The following TUSC3 variants were observed in gnomAD, a reference collection of about 807,000 sequenced individuals.
TUSC3 encodes the protein dolichyl-diphosphooligosaccharide--protein glycosyltransferase subunit TUSC3.
A neutral mutation model predicts 44.8 loss-of-function variants in TUSC3; 45 were observed. The ratio of observed to expected loss-of-function variants is 1.00; its 90% CI spans 0.79 to 1.29. The LOEUF is 1.29. Ranked by LOEUF, TUSC3 falls within the 50% of genes most tolerant of loss-of-function variation. TUSC3 has a pLI of 0.00. For synonymous variants in TUSC3, 212 were observed against 152.9 expected, an observed-to-expected ratio of 1.39 and a Z score of -2.85; for missense variants, 519 against 437.9, an observed-to-expected ratio of 1.19 and a Z score of -1.65.
Position 15,739,734 on chromosome 8 carries a change from T to TAAAG in TUSC3, c.863-3802_863-3799dup, listed in dbSNP as rs545294330. Among the ~76,000 whole-genome samples the TAAAG allele has an allele frequency of 1.9e-4, 29 of 152,350 alleles. No homozygotes were observed. In the East Asian group the frequency reaches 4.8e-3, roughly 25 times the overall value. On this transcript the variant is annotated intron_variant, in intron 7 of 10. Coordinates refer to ENST00000503731, the MANE Select transcript of TUSC3 (RefSeq NM_006765.4). Reference sequence around the variant, plus strand: ...ATGAAGAAGATTTTTATTCTTAGCCTAAAGATATTTCATGCTGAAACTGGG... The same window carrying TAAAG: ...ATGAAGAAGATTTTTATTCTTAGCCTAAAGAAAGATATTTCATGCTGAAACTGGG...
chr8:15,428,098 C>T (rs940825901), intron 1 of TUSC3, among the ~76,000 whole-genome samples: 13 of 148,480 alleles, frequency 8.8e-5, no homozygotes, highest in African/African-American at 2.2e-4. Context: ...TAGGTATATC[C>T]CCTAATGCTA....
chr8:15,647,978 T>G (rs564656097), intron 2 of TUSC3, among the ~76,000 whole-genome samples: 1 of 152,332 alleles, frequency 6.6e-6, no homozygotes, highest in Admixed American at 6.5e-5. Context: ...CTCTCCAGGT[T>G]GTTCTTTTCT....
At chr8:15,653,144 A>G (rs570774500) in intron 3 of TUSC3, among the ~76,000 whole-genome samples, 1 of 152,134 alleles carries the variant, frequency 6.6e-6, no homozygotes, top group Non-Finnish European at 1.5e-5. Flanking sequence ...CCAGAACACC[A>G]TGCATCTGAT....
At chr8:15,436,375 T>C (rs1337500993) in intron 1 of TUSC3, among the ~76,000 whole-genome samples, 1 of 152,214 alleles carries the variant, frequency 6.6e-6, no homozygotes, top group Non-Finnish European at 1.5e-5. Context: ...GTTATCTTTT[T>C]AAATGTAACC....
rs373161302 is a variant in TUSC3, at chr8:15,650,745, A to G, written c.357A>G (p.Ser119=). ...TACTGGCGAACTCCTGGCGCTATTCATCTGCTTTTTGTAACAAGCTCTTCT... is the reference window on the plus strand; with the variant it reads ...TACTGGCGAACTCCTGGCGCTATTCGTCTGCTTTTTGTAACAAGCTCTTCT... The part of the protein sequence containing the change: ...YQILANSWRY[S]SAFCNKLFFS... Residue 119 remains serine (S), a synonymous_variant, in exon 3 of 11, where the codon TCA becomes TCG. Transcript: ENST00000503731. The G allele has an allele frequency of 1.3e-5, 21 of 1,614,136 alleles. No individual in the cohort carries two copies. Among genetic ancestry groups the G allele is most frequent in the Non-Finnish European group, 1.7e-5 (20 of 1,180,022 alleles).
chr8:15,481,095 A>G (rs944963069), intron 1 of TUSC3, among the ~76,000 whole-genome samples: 33 of 152,064 alleles, frequency 2.2e-4, no homozygotes, highest in African/African-American at 7.5e-4. Context: ...TAAAAAATAC[A>G]AAAATATCCC....
the TUSC3 span, among the ~76,000 whole-genome samples, chr8:15,821,003 G>A: frequency 6.6e-6 from 1 of 152,064 alleles, no homozygotes; most frequent in African/African-American, 2.4e-5. Context: ...AAACATTTCT[G>A]TTTCCAGATT....
chr8:15,437,295 G>A (rs190430602), intron 1 of TUSC3, among the ~76,000 whole-genome samples: 1 of 152,144 alleles, frequency 6.6e-6, no homozygotes, highest in East Asian at 1.9e-4. Flanking sequence ...AAAGCAAAAG[G>A]GGTTATAAAC....
chr8:15,738,827 C>CTTTTTTTTTTTCTTTCTTTTT (rs1811050249), intron 7 of TUSC3, among the ~76,000 whole-genome samples: 1 of 87,172 alleles, frequency 1.1e-5, no homozygotes, highest in African/African-American at 4.9e-5. Context: ...ATATATCTTG[C>CTTTTTTTTTTTCTTTCTTTTT]TTTTTTTTTT....
the TUSC3 span, among the ~76,000 whole-genome samples, chr8:15,779,692 T>C: frequency 5.9e-5 from 9 of 152,342 alleles, no homozygotes; most frequent in Admixed American, 5.9e-4. Flanking sequence ...GTTAGTCTTT[T>C]TAATTGCGTG....
intron 1 of TUSC3, among the ~76,000 whole-genome samples, chr8:15,596,118 G>A (rs934099040): frequency 6.6e-6 from 1 of 152,106 alleles, no homozygotes; most frequent in Admixed American, 6.6e-5. Context: ...TACAAGAGGC[G>A]TTAACAAATT....
chr8:15,742,741 A>G (rs530926028), intron 7 of TUSC3, among the ~76,000 whole-genome samples: 1 of 152,250 alleles, frequency 6.6e-6, no homozygotes, highest in Non-Finnish European at 1.5e-5. Context: ...TTTTTAGTCC[A>G]TTAATCGCTT....
At chr8:15,435,920 TTC>T (rs1259612403) in intron 1 of TUSC3, among the ~76,000 whole-genome samples, 1 of 152,210 alleles carries the variant, frequency 6.6e-6, no homozygotes, top group Non-Finnish European at 1.5e-5. Flanking sequence ...TTCACATTGC[TTC>T]TGTTGGTTAG....
intron 1 of TUSC3, among the ~76,000 whole-genome samples, chr8:15,618,984 T>A (rs879580047): frequency 2.0e-5 from 3 of 152,194 alleles, no homozygotes; most frequent in Non-Finnish European, 2.9e-5. Context: ...TCTGTGGGTT[T>A]TGGCAAATGC....
chr8:15,527,051 C>T (rs565977034), intron 2 of TUSC3, among the ~76,000 whole-genome samples: 2 of 152,288 alleles, frequency 1.3e-5, no homozygotes, highest in African/African-American at 2.4e-5. Context: ...ATTGATTAAT[C>T]AGAATTCTTC....
chr8:15,658,723 A>G (rs931141829), intron 3 of TUSC3, among the ~76,000 whole-genome samples: 1 of 151,688 alleles, frequency 6.6e-6, no homozygotes, highest in Non-Finnish European at 1.5e-5. Flanking sequence ...ATATATACAA[A>G]TATATATATT....
intron 1 of TUSC3, among the ~76,000 whole-genome samples, chr8:15,427,256 T>C (rs1282257288): frequency 6.8e-6 from 1 of 148,138 alleles, no homozygotes; most frequent in Non-Finnish European, 1.5e-5. Flanking sequence ...TTTAGTTTAA[T>C]ATAATCCTGT....
At chr8:15,845,654 T>C in the TUSC3 span, among the ~76,000 whole-genome samples, 3 of 152,278 alleles carry the variant, frequency 2.0e-5, no homozygotes, top group Admixed American at 1.3e-4. Flanking sequence ...TGAGTTGTCA[T>C]TTATTTGCAG....
At chr8:15,529,603 A>G (rs1801424577) in intron 2 of TUSC3, among the ~76,000 whole-genome samples, 1 of 152,068 alleles carries the variant, frequency 6.6e-6, no homozygotes, top group Non-Finnish European at 1.5e-5. Flanking sequence ...AAAAATACTA[A>G]CATTACTTAG....
Sources: allele counts gnomAD v4.1 joint callset (sites outside exome capture counted in the v4.1 genomes callset), GRCh38; gene constraint gnomAD v4.1.1; transcripts MANE v1.5; gene names NCBI Gene and HGNC (gene_info 2026-07-23, HGNC 2026-07-21).